The following CTIF variants were observed in gnomAD, a reference collection of about 807,000 sequenced individuals.
CTIF encodes the protein CBP80/20-dependent translation initiation factor.
CTIF carries 21 observed loss-of-function variants against 66.0 expected under a neutral mutation model. The ratio of observed to expected loss-of-function variants is 0.32; its 90% CI spans 0.23 to 0.46. CTIF has a LOEUF of 0.46. Among genes scored for constraint, CTIF ranks in the 20% least tolerant of loss-of-function variants. The pLI, the probability that CTIF is intolerant of heterozygous loss-of-function variation, is 1.00. For synonymous variants in CTIF, 345 were observed against 326.4 expected, an observed-to-expected ratio of 1.06 and a Z score of -0.62; for missense variants, 739 against 812.7, an observed-to-expected ratio of 0.91 and a Z score of 1.10.
At chr18:48,647,649 A>G (rs552776082) in intron 3 of CTIF, among the ~76,000 whole-genome samples, 2 of 152,386 alleles carry the variant, frequency 1.3e-5, no homozygotes, top group African/African-American at 4.8e-5. Context: ...TAATTTGTAA[A>G]AAGTATTTCT....
At chr18:48,623,873 A>C (rs55637325) in intron 2 of CTIF, among the ~76,000 whole-genome samples, 10,025 of 150,920 alleles carry the variant, frequency 0.066, 517 homozygotes, top group Non-Finnish European at 0.09. Flanking sequence ...GGATGGATGG[A>C]TGGCTGGCTG....
At chr18:48,735,096 C>CGT (rs34150644) in intron 7 of CTIF, among the ~76,000 whole-genome samples, 22,642 of 149,738 alleles carry the variant, frequency 0.15, 1,847 homozygotes, top group South Asian at 0.3. Flanking sequence ...AGTTTGTGTG[C>CGT]GTGTGTGTGT....
At chr18:48,595,160 G>A (rs2089967089) in intron 1 of CTIF, among the ~76,000 whole-genome samples, 2 of 152,222 alleles carry the variant, frequency 1.3e-5, no homozygotes, top group African/African-American at 2.4e-5. Context: ...TGGGGTCAGG[G>A]GACCTGGCAC....
At chr18:48,612,534 G>A (rs1050083415) in intron 1 of CTIF, among the ~76,000 whole-genome samples, 2 of 152,238 alleles carry the variant, frequency 1.3e-5, no homozygotes, top group Admixed American at 1.3e-4. Context: ...GCTGCTTGCT[G>A]GAGAGCAACC....
In CTIF at chr18:48,575,077, G is replaced by A. The variant is rs2143712506; in HGVS notation, c.-29+35765G>A. ...TCCAGACACAGGGAGCCCCGCCTCT[G>A]CCAGGACTCCTGGGGGCAGGGTCCA... On this transcript the variant is annotated intron_variant, in intron 1 of 11. Coordinates refer to ENST00000256413, the MANE Select transcript of CTIF (RefSeq NM_014772.3). Among the ~76,000 whole-genome samples the A allele has an allele frequency of 1.3e-5, 2 of 152,316 alleles. 1 individual carries two copies. The highest frequency in any genetic ancestry group is 4.1e-4 in the South Asian group (2 of 4,820).
intron 7 of CTIF, among the ~76,000 whole-genome samples, chr18:48,750,666 C>T (rs917450220): frequency 2.6e-5 from 4 of 152,312 alleles, no homozygotes; most frequent in Middle Eastern, 3.4e-3. Flanking sequence ...GCTGGCTGGC[C>T]GGATCTCCAA....
intron 10 of CTIF, among the ~76,000 whole-genome samples, chr18:48,836,643 G>C (rs1455016451): frequency 6.6e-6 from 1 of 152,228 alleles, no homozygotes; most frequent in Non-Finnish European, 1.5e-5. Context: ...GAAGCAGGGT[G>C]GGAAGCCCCA....
intron 6 of CTIF, among the ~76,000 whole-genome samples, chr18:48,698,049 C>A (rs1261323460): frequency 1.3e-4 from 17 of 127,782 alleles, no homozygotes; most frequent in Admixed American, 1.2e-3. Context: ...CACTGCAGGG[C>A]AACTCTCTAC....
intron 1 of CTIF, among the ~76,000 whole-genome samples, chr18:48,585,557 C>A (rs1331131867): frequency 2.0e-5 from 3 of 152,172 alleles, no homozygotes; most frequent in Non-Finnish European, 1.5e-5. Flanking sequence ...GGGTGACCTG[C>A]TGGGAAGGAT....
chr18:48,566,711 A>G (rs2089288348), intron 1 of CTIF: 1 of 152,110 alleles, frequency 6.6e-6, no homozygotes, highest in African/African-American at 2.4e-5. Context: ...AAAAGCATCC[A>G]TTGCCTTTGG....
intron 6 of CTIF, chr18:48,688,503 G>A (rs117390292): frequency 0.017 from 2,549 of 152,360 alleles, 25 homozygotes; most frequent in Middle Eastern, 0.021. Flanking sequence ...AGCATTGGAT[G>A]GAGGAACAAA....
intron 6 of CTIF, among the ~76,000 whole-genome samples, chr18:48,687,305 G>GACACACACAC (rs3082465): frequency 0.024 from 3,064 of 128,580 alleles, 79 homozygotes; most frequent in African/African-American, 0.052. Context: ...TCTAGGAGGG[G>GACACACACAC]ACACACACAC....
rs144227910 is a variant in CTIF, at chr18:48,679,595, G to A, written c.507+8851G>A. On this transcript the variant is annotated intron_variant, in intron 6 of 11. Coordinates refer to ENST00000256413, the MANE Select transcript of CTIF (RefSeq NM_014772.3). The stretch of plus-strand genomic sequence containing the variant: ...ACCTTAGACAGAAAAGACTGTTGGG[G>A]GAGTCTTCTGCTCACCCATTTCTCT... Among the ~76,000 whole-genome samples, 1,486 of 152,270 alleles carry A rather than the reference G, an allele frequency of 9.8e-3. 14 individuals are homozygous for A. The highest frequency in any genetic ancestry group is 0.016 in the Non-Finnish European group (1,057 of 68,028).
At position 48,860,028 on chromosome 18, in the gene CTIF, G is replaced by A. The variant is rs1233610829; in HGVS notation, c.*469G>A. On this transcript the variant is annotated 3_prime_UTR_variant, in exon 12 of 12. Coordinates refer to ENST00000256413, the MANE Select transcript of CTIF (RefSeq NM_014772.3). ...TTCCCGCATGCTGTCAGCCGCAGTC[G>A]CCAACTGGCAGCAGGCGACGTGTAG... 2.5e-5 allele frequency: 11 copies of A among 440,612 alleles called. No individual in the cohort carries two copies. The highest frequency in any genetic ancestry group is 3.3e-4 in the Middle Eastern group (1 of 3,036). 27.3% of individuals were successfully genotyped at this position (440,612 alleles called of 1,614,324 possible).
intron 1 of CTIF, among the ~76,000 whole-genome samples, chr18:48,600,082 A>C (rs1718895075): frequency 1.3e-5 from 2 of 152,156 alleles, no homozygotes; most frequent in Non-Finnish European, 2.9e-5. Flanking sequence ...TGGAGAGACT[A>C]ATAGCATGCA....
intron 6 of CTIF, among the ~76,000 whole-genome samples, chr18:48,699,431 G>A (rs896875400): frequency 8.5e-5 from 13 of 152,118 alleles, no homozygotes; most frequent in Non-Finnish European, 1.5e-4. Context: ...GCTGGGGCTG[G>A]GGCTGGAGCC....
intron 6 of CTIF, among the ~76,000 whole-genome samples, chr18:48,675,955 G>T (rs796558826): frequency 1.3e-5 from 2 of 152,314 alleles, no homozygotes; most frequent in African/African-American, 4.8e-5. Context: ...CAAGTTCCAT[G>T]TGAAGGCAAG....
intron 9 of CTIF, among the ~76,000 whole-genome samples, chr18:48,780,718 C>T (rs372209695): frequency 1.3e-5 from 2 of 152,352 alleles, no homozygotes; most frequent in East Asian, 3.9e-4. Flanking sequence ...CCTGCCGGTC[C>T]GCACACAAGA....
rs146382288 is a variant in CTIF, at chr18:48,812,104, A to G, written c.1372-5117A>G. 2.0e-4 allele frequency among the ~76,000 whole-genome samples: 31 copies of G among 152,218 alleles called. No individual in the cohort carries two copies. In the East Asian group the frequency reaches 3.1e-3, roughly 15 times the overall value. ...CAGCCTCCCGAGTAGCTTGGATTAC[A>G]GGCACCCACCACCACACCTGGCTAA... On this transcript the variant is annotated intron_variant, in intron 9 of 11. Coordinates refer to ENST00000256413, the MANE Select transcript of CTIF (RefSeq NM_014772.3).
Sources: allele counts gnomAD v4.1 joint callset (sites outside exome capture counted in the v4.1 genomes callset), GRCh38; gene constraint gnomAD v4.1.1; transcripts MANE v1.5; gene names NCBI Gene and HGNC (gene_info 2026-07-23, HGNC 2026-07-21).